SLC22A12: variants seen among roughly 807,000 people sequenced by gnomAD.
SLC22A12 encodes the protein solute carrier family 22 member 12, also known as organic anion transporter 4-like protein.
SLC22A12 carries 56 observed loss-of-function variants against 52.7 expected under a neutral mutation model. The ratio of observed to expected loss-of-function variants is 1.06; its 90% confidence interval spans 0.86 to 1.33. The LOEUF (loss-of-function observed/expected upper bound fraction) is 1.33, where lower values mean the gene tolerates loss of function less well. Among genes scored for constraint, SLC22A12 ranks in the 40% most tolerant of loss-of-function variants. The pLI is 0.00. For missense variants in SLC22A12, 683 were observed against 741.5 expected (o/e 0.92, Z 0.92); for synonymous variants, 337 against 324.6 (o/e 1.04, Z -0.41).
In SLC22A12 at chr11:64,600,775, G is replaced by A; in HGVS notation, c.1435G>A (p.Gly479Arg). The A allele has an allele frequency of 6.2e-7, 1 of 1,605,590 alleles. No individual in the cohort carries two copies. Among genetic ancestry groups the A allele is most frequent in the Non-Finnish European group, 8.5e-7 (1 of 1,179,904 alleles). Residue 479 changes from glycine to arginine, a missense_variant, in exon 9 of 10, where the codon GGA (glycine) becomes AGA (arginine). By Grantham distance (125) the Gly-to-Arg change is moderately radical. Coordinates refer to ENST00000377574, the MANE Select transcript of SLC22A12 (RefSeq NM_144585.4). ...VGLGQMAARGGAILGPLVRLL... is the reference protein window; with the variant it reads ...VGLGQMAARGRAILGPLVRLL... ...CTTGGGCCAGATGGCAGCCCGTGGA[G>A]GAGCCATCCTGGGGCCTCTGGTCCG...
At position 64,598,846 on chromosome 11, in the gene SLC22A12, C is replaced by T. The variant is rs951612238; in HGVS notation, c.993C>T (p.Gly331=). 6.2e-7 allele frequency: 1 copy of T among 1,612,698 alleles called. No individual in the cohort carries two copies. Among genetic ancestry groups the T allele is most frequent in the Non-Finnish European group, 8.5e-7 (1 of 1,179,968 alleles). Residue 331 remains glycine, a synonymous_variant, in exon 6 of 10, where the codon GGC becomes GGT. Transcript: ENST00000377574. ...CCATGCGGGAGGAGCTGAGCATGGG[C>T]CAGCCTCCTGCCAGCCTGGGCACCC... ...LSAMREELSM[G]QPPASLGTLL...
rs552966639 is a variant in SLC22A12, at chr11:64,600,722, T to A, written c.1395-13T>A. The A allele has an allele frequency of 1.2e-6, 2 of 1,603,982 alleles. No individual in the cohort carries two copies. Among genetic ancestry groups the A allele is most frequent in the South Asian group, 1.1e-5 (1 of 91,068 alleles). On this transcript the variant is annotated splice_polypyrimidine_tract_variant and intron_variant, in intron 8 of 9. Coordinates refer to ENST00000377574, the MANE Select transcript of SLC22A12 (RefSeq NM_144585.4). ...CACAGACCAGGCGCTTATAGGTGCA[T>A]CTGCATTGGCAGGATGACGGCAGTG...
chr11:64,600,944 T>G lies in SLC22A12; in HGVS notation c.1598+6T>G. On this transcript the variant is annotated splice_donor_region_variant and intron_variant, in intron 9 of 9. Coordinates refer to ENST00000377574, the MANE Select transcript of SLC22A12 (RefSeq NM_144585.4). ...ATCCAAGATGTGCAGAACCAGTGAG[T>G]GGACCCAGCCTCGGGACCACCCCTC... The G allele has an allele frequency of 1.9e-6, 3 of 1,606,814 alleles. No homozygotes were observed. Among genetic ancestry groups the G allele is most frequent in the Non-Finnish European group, 2.5e-6 (3 of 1,179,882 alleles).
intron 4 of SLC22A12, among the ~76,000 whole-genome samples, chr11:64,595,322 GATGGATGGATGGTTGA>G (rs1278843173): frequency 7.7e-6 from 1 of 129,286 alleles, no homozygotes; most frequent in African/African-American, 3.0e-5. Context: ...TGGATGGATG[GATGGATGGATGGTTGA>G]ATGGATGGTT....
At chr11:64,598,771 C>G (rs1378147699) in intron 5 of SLC22A12, 37 bp from the exon 6 acceptor site, 1 of 1,611,098 alleles carries the variant, frequency 6.2e-7, no homozygotes, top group South Asian at 1.1e-5. Flanking sequence ...GTGCCTGGCG[C>G]CCCCAGTGCC....
intron 4 of SLC22A12, among the ~76,000 whole-genome samples, chr11:64,595,316 T>C (rs1220378336): frequency 2.7e-5 from 3 of 110,936 alleles, no homozygotes; most frequent in Non-Finnish European, 5.5e-5. Context: ...GATGGATGGA[T>C]GGATGGATGG....
intron 3 of SLC22A12, 32 bp downstream of exon 3, chr11:64,593,591 G>T (rs1259514966): frequency 1.9e-6 from 3 of 1,614,104 alleles, no homozygotes; most frequent in Non-Finnish European, 2.5e-6. Flanking sequence ...ATGCAGGGGG[G>T]CTCCATGCAG....
chr11:64,601,487 G>A lies in SLC22A12; in HGVS notation c.1599-1G>A, dbSNP rs770053707. ...CACACCCCCGTGTGCTTCCTGAACA[G>A]GGCAGTAAAGAAGGCAACACATGGC... On this transcript the variant is annotated splice_acceptor_variant, in intron 9 of 9. Transcript: ENST00000377574. LOFTEE classifies it high-confidence loss of function. 1 of 1,613,004 alleles carries A rather than the reference G, an allele frequency of 6.2e-7. No homozygotes were observed. Among genetic ancestry groups the A allele is most frequent in the South Asian group, 1.1e-5 (1 of 91,034 alleles).
At position 64,592,772 on chromosome 11, in the gene SLC22A12, C is replaced by G. The variant is rs1352392178; in HGVS notation, c.403-7C>G. 6.2e-7 allele frequency: 1 copy of G among 1,610,464 alleles called. No homozygotes were observed. ...CTCCTGAGCTCAGCCTCCTCCTCTC[C>G]CATCAGTGGAACCTCGTGTGTGACT... is the stretch of plus-strand genomic sequence containing the variant. On this transcript the variant is annotated splice_polypyrimidine_tract_variant and splice_region_variant and intron_variant, in intron 1 of 9. Transcript: ENST00000377574.
At chr11:64,597,031 C>T (rs529070241) in intron 4 of SLC22A12, among the ~76,000 whole-genome samples, 4 of 152,322 alleles carry the variant, frequency 2.6e-5, no homozygotes, top group African/African-American at 7.2e-5. Flanking sequence ...CCACGTGGAG[C>T]TCATAGGGAA....
Position 64,600,489 on chromosome 11 carries a change from T to A in SLC22A12, c.1394+14T>A. On this transcript the variant is annotated intron_variant, in intron 8 of 9. Coordinates refer to ENST00000377574, the MANE Select transcript of SLC22A12 (RefSeq NM_144585.4). ...CACTGTGCTCAGGTGAGGCTGGGCC[T>A]GGGCTCCAGGAGAGGGGAGCCCTGG... 1 of 1,583,736 alleles carries A rather than the reference T, an allele frequency of 6.3e-7. No homozygotes were observed. The highest frequency in any genetic ancestry group is 1.7e-5 in the Admixed American group (1 of 57,488).
At chr11:64,592,408 C>T (rs1043130010) in intron 1 of SLC22A12, among the ~76,000 whole-genome samples, 18 of 152,234 alleles carry the variant, frequency 1.2e-4, no homozygotes, top group South Asian at 4.2e-4. Flanking sequence ...GCAGCTCATC[C>T]CAACAAGTGG....
At chr11:64,595,259 A>T (rs1424421226) in intron 4 of SLC22A12, among the ~76,000 whole-genome samples, 3 of 98,750 alleles carry the variant, frequency 3.0e-5, no homozygotes, top group African/African-American at 1.2e-4. Flanking sequence ...GATGGAATGG[A>T]TGGATGGATG....
At chr11:64,594,734 C>T (rs940888694) in intron 4 of SLC22A12, among the ~76,000 whole-genome samples, 74 of 110,010 alleles carry the variant, frequency 6.7e-4, no homozygotes, top group Non-Finnish European at 7.7e-4. Flanking sequence ...GACGGACAGA[C>T]GGACGGACGG....
At chr11:64,601,341 C>A in intron 9 of SLC22A12, 147 bp from the exon 10 acceptor site, 4 of 802,162 alleles carry the variant, frequency 5.0e-6, no homozygotes, top group Non-Finnish European at 8.4e-6. Context: ...TCACACACAC[C>A]CCCAACCCAT....
At position 64,598,858 on chromosome 11, in the gene SLC22A12, C is replaced by A. The variant is rs749139459; in HGVS notation, c.1005C>A (p.Ala335=). Residue 335 remains alanine (A), a synonymous_variant, in exon 6 of 10, where the codon GCC becomes GCA. Transcript: ENST00000377574. ...REELSMGQPP[A]SLGTLLRMPG... ...AGCTGAGCATGGGCCAGCCTCCTGCCAGCCTGGGCACCCTGCTCCGCATGC... is the reference window on the plus strand; with the variant it reads ...AGCTGAGCATGGGCCAGCCTCCTGCAAGCCTGGGCACCCTGCTCCGCATGC... 1.2e-5 allele frequency: 19 copies of A among 1,612,762 alleles called. No homozygotes were observed. Among genetic ancestry groups the A allele is most frequent in the Admixed American group, 1.7e-5 (1 of 60,004 alleles).
chr11:64,593,221 C>T (rs1000417463), intron 2 of SLC22A12, among the ~76,000 whole-genome samples, 184 bp from the exon 3 acceptor site: 2 of 152,276 alleles, frequency 1.3e-5, no homozygotes, highest in Non-Finnish European at 1.5e-5. Context: ...TGGCTCTGGC[C>T]TCGGGACTCT....
rs776804370 is a variant in SLC22A12, at chr11:64,591,697, C to T, written c.141C>T (p.His47=). The T allele has an allele frequency of 5.0e-6, 8 of 1,612,300 alleles. No homozygotes were observed. The highest frequency in any genetic ancestry group is 1.7e-5 in the Admixed American group (1 of 60,012). Residue 47 remains histidine (H), a synonymous_variant, in exon 1 of 10, where the codon CAC becomes CAT. Transcript: ENST00000377574. ...LENFSAAVPS[H]RCWAPLLDNS... is the part of the protein sequence containing the mutation. ...ACTTCTCGGCCGCCGTGCCCAGCCA[C>T]CGCTGCTGGGCACCCCTCCTGGACA...
rs2038907125 is a variant in SLC22A12, at chr11:64,591,241, G to T, written c.-316G>T. ...TTCCAGTCTAAAATTAAAGTCTTCAGTCTCCACATTCCCTACTTTCCAAAT... is the reference window on the plus strand; with the variant it reads ...TTCCAGTCTAAAATTAAAGTCTTCATTCTCCACATTCCCTACTTTCCAAAT... On this transcript the variant is annotated 5_prime_UTR_variant, in exon 1 of 10. Transcript: ENST00000377574. 9.8e-6 allele frequency: 4 copies of T among 409,400 alleles called. No homozygotes were observed. In the South Asian group the frequency reaches 1.4e-4, roughly 14 times the overall value. 25.4% of individuals were successfully genotyped at this position (409,400 alleles called of 1,614,324 possible).
Sources: gnomAD v4.1 joint callset for allele counts (sites outside exome capture counted in the v4.1 genomes callset) on GRCh38, gnomAD v4.1.1 for gene constraint, MANE v1.5 for transcripts, NCBI Gene and HGNC (gene_info 2026-07-23, HGNC 2026-07-21) for gene names.